The following GEMIN6 variants were observed in gnomAD, a reference collection of about 807,000 sequenced individuals.
GEMIN6 encodes gem nuclear organelle associated protein 6, also known as gem-associated protein 6.
In GEMIN6, 13 loss-of-function variants were observed where a neutral mutation model predicts 14.1. The observed-to-expected ratio is 0.92, with a 90% CI of 0.60 to 1.46. The LOEUF is 1.46. GEMIN6 is among the 40% of genes most tolerant of loss of function. GEMIN6 has a pLI of 0.00. For synonymous variants in GEMIN6, 87 were observed against 70.0 expected (o/e 1.24, Z -1.21); for missense variants, 271 against 202.4 (o/e 1.34, Z -2.06).
chr2:38,781,434 T>C lies in GEMIN6; in HGVS notation c.129-83T>C, dbSNP rs911068160. 3 of 1,336,558 alleles carry C rather than the reference T, an allele frequency of 2.2e-6. No homozygotes were observed. In the Admixed American group the frequency reaches 6.8e-5, roughly 30 times the overall value. The allele number at this position is 1,336,558 out of a possible 1,614,324, so 82.8% of individuals were successfully genotyped here. A position where few individuals can be genotyped will look rare whatever the true frequency, so the allele number is the denominator to read the frequency against. On this transcript the variant is annotated intron_variant, in intron 2 of 2. Transcript: ENST00000281950. Reference sequence around the variant, plus strand: ...AAGCATTCATTGGTGACAGGATTAATTTCAAACAGAGTAGAGTGTCATCTA... The same window carrying C: ...AAGCATTCATTGGTGACAGGATTAACTTCAAACAGAGTAGAGTGTCATCTA...
At chr2:38,780,317 C>T (rs1379831950) in intron 2 of GEMIN6, among the ~76,000 whole-genome samples, 2 of 146,322 alleles carry the variant, frequency 1.4e-5, no homozygotes, top group Non-Finnish European at 3.0e-5. Flanking sequence ...AAGACTCCGT[C>T]TCAAAAAAAA....
Position 38,780,742 on chromosome 2 carries a change from C to T in GEMIN6, c.129-775C>T, listed in dbSNP as rs537414422. Among the ~76,000 whole-genome samples the T allele has an allele frequency of 4.6e-5, 7 of 152,072 alleles. No individual in the cohort carries two copies. The South Asian group carries it at 1.2e-3, about 27-fold the overall frequency. On this transcript the variant is annotated intron_variant, in intron 2 of 2. Transcript: ENST00000281950. The stretch of plus-strand genomic sequence containing the variant: ...CTCCCGGATTCAAGTGATTCTCCTG[C>T]CTCAGCCTCCTAAGTAGCTGGGATT...
rs780403773 is a variant in GEMIN6, at chr2:38,778,953, G to C, written c.-19-19G>C. ...GCTTACGTGGAACATATATTAACCA[G>C]CACTGGTGGTTGTTTCAGATTTAGC... On this transcript the variant is annotated intron_variant, in intron 1 of 2. Coordinates refer to ENST00000281950, the MANE Select transcript of GEMIN6 (RefSeq NM_024775.10). 1.9e-6 allele frequency: 3 copies of C among 1,596,352 alleles called. No individual in the cohort carries two copies. The highest frequency in any genetic ancestry group is 2.6e-6 in the Non-Finnish European group (3 of 1,171,048).
chr2:38,783,719 G>C lies in GEMIN6; in HGVS notation c.*1827G>C, dbSNP rs959067398. 2.6e-5 allele frequency: 4 copies of C among 152,112 alleles called. No individual in the cohort carries two copies. Among genetic ancestry groups the C allele is most frequent in the Non-Finnish European group, 5.9e-5 (4 of 68,032 alleles). The allele number at this position is 152,112 out of a possible 1,614,324, so 9.4% of individuals were successfully genotyped here. ...TTCCTGCATAGTTGTCTAATAACAAGATGGTATAGCCCAGTGCTTCTTGCA... is the reference window on the plus strand; with the variant it reads ...TTCCTGCATAGTTGTCTAATAACAACATGGTATAGCCCAGTGCTTCTTGCA... On this transcript the variant is annotated 3_prime_UTR_variant, in exon 3 of 3. Coordinates refer to ENST00000281950, the MANE Select transcript of GEMIN6 (RefSeq NM_024775.10).
chr2:38,784,032 G>A lies in GEMIN6; in HGVS notation c.*2140G>A, dbSNP rs1301929638. ...CCGTTCCCAGACCACACTTGCAGAAGCAGTTCAGAAACTTCAGGGGAACAG... is the reference window on the plus strand; with the variant it reads ...CCGTTCCCAGACCACACTTGCAGAAACAGTTCAGAAACTTCAGGGGAACAG... On this transcript the variant is annotated 3_prime_UTR_variant, in exon 3 of 3. Transcript: ENST00000281950. 1 of 152,184 alleles carries A rather than the reference G, an allele frequency of 6.6e-6. No homozygotes were observed. The highest frequency in any genetic ancestry group is 1.5e-5 in the Non-Finnish European group (1 of 68,044). 9.4% of individuals were successfully genotyped at this position (152,184 alleles called of 1,614,324 possible).
intron 2 of GEMIN6, 155 bp downstream of exon 2, chr2:38,779,273 C>G (rs1454196326): frequency 1.3e-6 from 1 of 769,854 alleles, no homozygotes; most frequent in Non-Finnish European, 2.1e-6. Flanking sequence ...TACTGTCACC[C>G]AGGCTGGAAT....
chr2:38,778,945 A>G (rs1195187549), intron 1 of GEMIN6, 27 bp from the exon 2 acceptor site: 4 of 1,580,048 alleles, frequency 2.5e-6, no homozygotes, highest in South Asian at 2.4e-5. Flanking sequence ...TGGAACATAT[A>G]TTAACCAGCA....
At position 38,781,849 on chromosome 2, in the gene GEMIN6, G is replaced by A. The variant is rs150620456; in HGVS notation, c.461G>A (p.Arg154His). The change falls in exon 3 of 3, where the codon CGT (arginine) becomes CAT (histidine). Residue 154 changes from arginine to histidine, a missense_variant. Physicochemically the swap from Arg to His is conservative, Grantham distance 29. Coordinates refer to ENST00000281950, the MANE Select transcript of GEMIN6 (RefSeq NM_024775.10). ...CSSSNEIILS[R>H]VQDLIEGHLT... is the part of the protein sequence containing the mutation. The stretch of plus-strand genomic sequence containing the variant: ...AGCTCTAATGAGATTATTCTGTCGC[G>A]TGTTCAGGATCTTATTGAAGGACAT... 1.7e-5 allele frequency: 28 copies of A among 1,613,448 alleles called. No individual in the cohort carries two copies. The highest frequency in any genetic ancestry group is 6.7e-5 in the African/African-American group (5 of 74,916).
At chr2:38,780,617 G>T (rs571801379) in intron 2 of GEMIN6, among the ~76,000 whole-genome samples, 1 of 149,464 alleles carries the variant, frequency 6.7e-6, no homozygotes, top group Admixed American at 6.7e-5. Context: ...GGTTATAGGC[G>T]TGAGCCACCT....
chr2:38,779,635 A>AATATATATATATATAT (rs1413852966), intron 2 of GEMIN6, among the ~76,000 whole-genome samples: 2 of 48,034 alleles, frequency 4.2e-5, no homozygotes, highest in African/African-American at 1.7e-4. Flanking sequence ...AATTATTCTT[A>AATATATATATATATAT]CTATATATAT....
In GEMIN6 at chr2:38,779,089, G is replaced by A. The variant is rs753794665; in HGVS notation, c.99G>A (p.Trp33Ter). The A allele has an allele frequency of 3.1e-6, 5 of 1,613,520 alleles. No homozygotes were observed. Among genetic ancestry groups the A allele is most frequent in the Non-Finnish European group, 4.2e-6 (5 of 1,179,780 alleles). Residue 33 changes from tryptophan to a stop codon, truncating the protein, a stop_gained, in exon 2 of 3, where the codon TGG becomes TGA. Coordinates refer to ENST00000281950, the MANE Select transcript of GEMIN6 (RefSeq NM_024775.10). LOFTEE classifies it high-confidence loss of function. Reference protein sequence around the residue: ...TASEKNEYKGWVLTTDPVSAN... With the variant: ...TASEKNEYKG Reference sequence around the variant, plus strand: ...GTGAGAAGAATGAGTATAAAGGATGGGTTTTAACTACAGACCCAGTCTCTG... The same window carrying A: ...GTGAGAAGAATGAGTATAAAGGATGAGTTTTAACTACAGACCCAGTCTCTG...
rs2148515334 is a variant in GEMIN6, at chr2:38,784,883, A to T, written c.*2991A>T. 1 of 152,364 alleles carries T rather than the reference A, an allele frequency of 6.6e-6. No homozygotes were observed. Among genetic ancestry groups the T allele is most frequent in the East Asian group, 1.9e-4 (1 of 5,168 alleles). 9.4% of individuals were successfully genotyped at this position (152,364 alleles called of 1,614,324 possible). On this transcript the variant is annotated 3_prime_UTR_variant, in exon 3 of 3. Coordinates refer to ENST00000281950, the MANE Select transcript of GEMIN6 (RefSeq NM_024775.10). ...CAGCATCTGTGATTCCACATTCCCC[A>T]GAGGGAGATTCCTCCCCAAAGCTGG...
chr2:38,781,860 C>G lies in GEMIN6; in HGVS notation c.472C>G (p.Leu158Val). The change falls in exon 3 of 3, where the codon CTT becomes GTT. Residue 158 changes from leucine to valine, a missense_variant. Physicochemically the swap from Leu to Val is conservative, Grantham distance 32 (BLOSUM62 1). Coordinates refer to ENST00000281950, the MANE Select transcript of GEMIN6 (RefSeq NM_024775.10). ...GATTATTCTGTCGCGTGTTCAGGAT[C>G]TTATTGAAGGACATCTTACAGCTTC... ...NEIILSRVQD[L>V]IEGHLTASQ is the part of the protein sequence containing the mutation. 6.2e-7 allele frequency: 1 copy of G among 1,611,176 alleles called. No individual in the cohort carries two copies. The highest frequency in any genetic ancestry group is 8.5e-7 in the Non-Finnish European group (1 of 1,178,022).
chr2:38,779,656 A>ATTTTTTTTTTTTTTT (rs1300414840), intron 2 of GEMIN6, among the ~76,000 whole-genome samples: 1 of 26,912 alleles, frequency 3.7e-5, no homozygotes, highest in Non-Finnish European at 9.4e-5. Context: ...ATATATATAT[A>ATTTTTTTTTTTTTTT]TATATATATT....
At position 38,781,836 on chromosome 2, in the gene GEMIN6, A is replaced by T. The variant is rs769480214; in HGVS notation, c.448A>T (p.Ile150Phe). The change falls in exon 3 of 3, where the codon ATT (isoleucine) becomes TTT (phenylalanine). Residue 150 changes from isoleucine (I) to phenylalanine (F), a missense_variant. Ile to Phe is a conservative substitution (Grantham distance 21). Coordinates refer to ENST00000281950, the MANE Select transcript of GEMIN6 (RefSeq NM_024775.10). Reference sequence around the variant, plus strand: ...AGAAAATTGCAGCAGCTCTAATGAGATTATTCTGTCGCGTGTTCAGGATCT... The same window carrying T: ...AGAAAATTGCAGCAGCTCTAATGAGTTTATTCTGTCGCGTGTTCAGGATCT... Reference protein sequence around the residue: ...GPENCSSSNEIILSRVQDLIE... With the variant: ...GPENCSSSNEFILSRVQDLIE... 1 of 1,613,998 alleles carries T rather than the reference A, an allele frequency of 6.2e-7. No individual in the cohort carries two copies. Among genetic ancestry groups the T allele is most frequent in the Non-Finnish European group, 8.5e-7 (1 of 1,179,970 alleles).
At position 38,781,800 on chromosome 2, in the gene GEMIN6, C is replaced by T; in HGVS notation, c.412C>T (p.Pro138Ser). ...GGCTGGGGTCCTGACTATAGACCCA[C>T]CATATGGTCCAGAAAATTGCAGCAG... is the stretch of plus-strand genomic sequence containing the variant. ...CVAGVLTIDP[P>S]YGPENCSSSN... The change falls in exon 3 of 3, where the codon CCA (proline) becomes TCA (serine). Residue 138 changes from proline (P) to serine (S), a missense_variant. Transcript: ENST00000281950. The T allele has an allele frequency of 1.2e-6, 2 of 1,614,080 alleles. No homozygotes were observed. Among genetic ancestry groups the T allele is most frequent in the African/African-American group, 1.3e-5 (1 of 75,036 alleles).
Position 38,778,954 on chromosome 2 carries a change from C to T in GEMIN6, c.-19-18C>T, listed in dbSNP as rs747156484. The T allele has an allele frequency of 4.4e-5, 70 of 1,596,484 alleles. 1 individual carries two copies. In the South Asian group the frequency reaches 6.0e-4, roughly 14 times the overall value. ...CTTACGTGGAACATATATTAACCAG[C>T]ACTGGTGGTTGTTTCAGATTTAGCC... On this transcript the variant is annotated intron_variant, in intron 1 of 2. Transcript: ENST00000281950.
rs1193968091 is a variant in GEMIN6 at position 38,778,955 on chromosome 2, A to G, written c.-19-17A>G. The G allele has an allele frequency of 1.3e-6, 2 of 1,599,214 alleles. No homozygotes were observed. Among genetic ancestry groups the G allele is most frequent in the African/African-American group, 2.7e-5 (2 of 74,556 alleles). On this transcript the variant is annotated splice_polypyrimidine_tract_variant and intron_variant, in intron 1 of 2. Transcript: ENST00000281950. ...TTACGTGGAACATATATTAACCAGC[A>G]CTGGTGGTTGTTTCAGATTTAGCCA...
In GEMIN6 at chr2:38,784,530, C is replaced by T. The variant is rs79868567; in HGVS notation, c.*2638C>T. 7.4e-6 allele frequency: 1 copy of T among 134,338 alleles called. No homozygotes were observed. Among genetic ancestry groups the T allele is most frequent in the African/African-American group, 2.8e-5 (1 of 35,862 alleles). The allele number at this position is 134,338 out of a possible 1,614,324, so 8.3% of individuals were successfully genotyped here. A position where few individuals can be genotyped will look rare whatever the true frequency, so the allele number is the denominator to read the frequency against. ...TGGGCAGCAGAACGAGACTCTGTCT[C>T]AAAAAAAAAAAAAAAGCCACGTAGG... On this transcript the variant is annotated 3_prime_UTR_variant, in exon 3 of 3. Transcript: ENST00000281950.
Sources: gnomAD v4.1 joint callset for allele counts (sites outside exome capture counted in the v4.1 genomes callset) on GRCh38, gnomAD v4.1.1 for gene constraint, MANE v1.5 for transcripts, NCBI Gene and HGNC (gene_info 2026-07-23, HGNC 2026-07-21) for gene names.